ANK3: variants seen among roughly 807,000 people sequenced by gnomAD.
The protein encoded by ANK3 is ankyrin 3, also known as ankyrin-3.
ANK3 carries 57 observed loss-of-function variants against 370.9 expected under a neutral mutation model. That is an observed-to-expected ratio of 0.15 (90% CI 0.12 to 0.19). ANK3 has a LOEUF of 0.19. ANK3 is among the 10% of genes least tolerant of loss of function. The pLI, the probability that ANK3 is intolerant of heterozygous loss-of-function variation, is 1.00. For synonymous variants in ANK3, 1,929 were observed against 1,946.3 expected (o/e 0.99, Z 0.23); for missense variants, 4,439 against 5,302.1 (o/e 0.84, Z 5.06).
chr10:60,137,365 T>C (rs1457338212), intron 24 of ANK3: 1 of 206,750 alleles, frequency 4.8e-6, no homozygotes, highest in East Asian at 1.1e-4. Flanking sequence ...TATTTTAAAG[T>C]AATTTTAGGA....
In ANK3 at chr10:60,327,620, A is replaced by G. The variant is rs373061918; in HGVS notation, c.115-47981T>C. Among the ~76,000 whole-genome samples, 60 of 152,332 alleles carry G rather than the reference A, an allele frequency of 3.9e-4. No homozygotes were observed. In the South Asian group the frequency reaches 0.012, roughly 31 times the overall value. ...ATGGGATTTCTTGGAAGTAAAAGAG[A>G]GGCTCAAAGGCTGTGTCACTTTAAC... is the stretch of plus-strand genomic sequence containing the variant. On this transcript the variant is annotated intron_variant, in intron 1 of 43. Transcript: ENST00000280772.
At chr10:60,163,707 CTTAT>C (rs1336488144) in intron 23 of ANK3, among the ~76,000 whole-genome samples, 5 of 152,022 alleles carry the variant, frequency 3.3e-5, no homozygotes, top group Admixed American at 2.6e-4. Context: ...AATTTTTTAT[CTTAT>C]TTATTTTAAA....
At chr10:60,407,756 T>C (rs1428259530) in intron 2 of ANK3, among the ~76,000 whole-genome samples, 2 of 152,230 alleles carry the variant, frequency 1.3e-5, no homozygotes, top group African/African-American at 2.4e-5. Context: ...AGATCAGATA[T>C]AGCAAATTAT....
intron 25 of ANK3, among the ~76,000 whole-genome samples, chr10:60,131,746 G>A (rs1356437987): frequency 6.6e-6 from 1 of 152,176 alleles, no homozygotes; most frequent in Non-Finnish European, 1.5e-5. Context: ...CAGAAGGTGG[G>A]TGGTAGAGTA....
At chr10:60,146,162 T>G in intron 23 of ANK3, 6 of 1,245,546 alleles carry the variant, frequency 4.8e-6, no homozygotes, top group Non-Finnish European at 6.5e-6. Context: ...TACGAAGATG[T>G]GTTTGTGTAC....
intron 1 of ANK3, among the ~76,000 whole-genome samples, chr10:60,289,861 G>T (rs148279631): frequency 6.6e-6 from 1 of 152,164 alleles, no homozygotes; most frequent in Admixed American, 6.6e-5. Context: ...ATAAGATAAC[G>T]TCCAACAAAA....
intron 23 of ANK3, among the ~76,000 whole-genome samples, chr10:60,155,508 G>A (rs1401287326): frequency 6.6e-6 from 1 of 151,870 alleles, no homozygotes; most frequent in African/African-American, 2.4e-5. Flanking sequence ...GACCCAAGGA[G>A]TGCAGTCCTT....
intron 1 of ANK3, among the ~76,000 whole-genome samples, chr10:60,620,723 T>C (rs1279813522): frequency 6.6e-6 from 1 of 152,204 alleles, no homozygotes; most frequent in Non-Finnish European, 1.5e-5. Context: ...TTTGTTCTTC[T>C]TTGAAGTGGC....
At chr10:60,097,316 G>A (rs1016236291) in intron 28 of ANK3, among the ~76,000 whole-genome samples, 2 of 152,214 alleles carry the variant, frequency 1.3e-5, no homozygotes, top group South Asian at 2.1e-4. Context: ...CCTCACACGA[G>A]TGGTGGTTGA....
intron 1 of ANK3, among the ~76,000 whole-genome samples, chr10:60,629,364 C>CA (rs2078452359): frequency 6.6e-6 from 1 of 152,118 alleles, no homozygotes; most frequent in African/African-American, 2.4e-5. Context: ...TAAAAGGTAA[C>CA]AAGCATCATA....
intron 1 of ANK3, among the ~76,000 whole-genome samples, chr10:60,695,291 C>T (rs1351380886): frequency 6.6e-6 from 1 of 151,934 alleles, no homozygotes; most frequent in Non-Finnish European, 1.5e-5. Flanking sequence ...GACTCCCACA[C>T]ATTAATAATG....
chr10:60,580,816 G>T (rs534773040), intron 2 of ANK3, among the ~76,000 whole-genome samples: 1 of 152,252 alleles, frequency 6.6e-6, no homozygotes, highest in African/African-American at 2.4e-5. Flanking sequence ...GTCTAGCCCA[G>T]CTGGCCAGGC....
intron 2 of ANK3, among the ~76,000 whole-genome samples, chr10:60,477,876 G>C (rs893097675): frequency 6.6e-6 from 1 of 152,022 alleles, no homozygotes; most frequent in Admixed American, 6.6e-5. Flanking sequence ...GGTTGCAAAT[G>C]AACAGATTGA....
chr10:60,330,221 C>T (rs190267326), intron 1 of ANK3, among the ~76,000 whole-genome samples: 1 of 152,270 alleles, frequency 6.6e-6, no homozygotes, highest in African/African-American at 2.4e-5. Flanking sequence ...AGGACATAGG[C>T]ATGGGCGAAG....
chr10:60,456,522 C>T (rs940636284), intron 2 of ANK3, among the ~76,000 whole-genome samples: 2 of 152,182 alleles, frequency 1.3e-5, no homozygotes, highest in Non-Finnish European at 2.9e-5. Flanking sequence ...ATTCGCCTAA[C>T]TGAACTAACC....
intron 1 of ANK3, among the ~76,000 whole-genome samples, chr10:60,639,945 C>A (rs1038263157): frequency 6.6e-6 from 1 of 151,816 alleles, no homozygotes; most frequent in Non-Finnish European, 1.5e-5. Context: ...TAAGACTCAC[C>A]TATATGCCTT....
At chr10:60,559,213 C>T (rs2077278801) in intron 2 of ANK3, among the ~76,000 whole-genome samples, 1 of 152,112 alleles carries the variant, frequency 6.6e-6, no homozygotes, top group Non-Finnish European at 1.5e-5. Context: ...GTACCCATCA[C>T]CCAAGCAGTG....
intron 12 of ANK3, among the ~76,000 whole-genome samples, chr10:60,202,323 A>C (rs2096694005): frequency 6.6e-6 from 1 of 151,738 alleles, no homozygotes; most frequent in African/African-American, 2.4e-5. Context: ...GGGATTCTCC[A>C]TGTTGGTCAG....
intron 25 of ANK3, among the ~76,000 whole-genome samples, chr10:60,125,700 G>T (rs2093722024): frequency 6.6e-6 from 1 of 152,118 alleles, no homozygotes; most frequent in South Asian, 2.1e-4. Flanking sequence ...GGGAGTGTGG[G>T]TGGAATAGGG....
Sources: allele counts gnomAD v4.1 joint callset (sites outside exome capture counted in the v4.1 genomes callset), GRCh38; gene constraint gnomAD v4.1.1; transcripts MANE v1.5; gene names NCBI Gene and HGNC (gene_info 2026-07-23, HGNC 2026-07-21).